B3GALT1: variants seen among roughly 807,000 people sequenced by gnomAD.
B3GALT1 encodes the protein beta-1,3-galactosyltransferase 1, also known as UDP-Gal:betaGlcNAc beta 1,3-galactosyltransferase, polypeptide 1.
B3GALT1 carries 10 observed loss-of-function variants against 23.2 expected under a neutral mutation model. That is an observed-to-expected ratio of 0.43 (90% CI 0.27 to 0.73). B3GALT1 has a LOEUF of 0.73. Among genes scored for constraint, B3GALT1 ranks in the 30% least tolerant of loss-of-function variants. B3GALT1 has a pLI of 0.21. For missense variants in B3GALT1, 299 were observed against 405.4 expected, an observed-to-expected ratio of 0.74 and a Z score of 2.25; for synonymous variants, 156 against 141.5, an observed-to-expected ratio of 1.10 and a Z score of -0.73.
intron 3 of B3GALT1, among the ~76,000 whole-genome samples, chr2:167,778,860 TGAGGG>T (rs1344173411): frequency 2.6e-5 from 4 of 152,212 alleles, no homozygotes; most frequent in African/African-American, 7.2e-5. Flanking sequence ...TCTGCTGGAC[TGAGGG>T]GAGGGGACCA....
intron 2 of B3GALT1, among the ~76,000 whole-genome samples, chr2:167,576,639 A>G (rs944726052): frequency 4.0e-5 from 6 of 150,610 alleles, no homozygotes; most frequent in Non-Finnish European, 7.4e-5. Context: ...CATACATAAG[A>G]TAGATAGTCA....
At chr2:167,440,529 T>G (rs182408456) in intron 1 of B3GALT1, among the ~76,000 whole-genome samples, 1 of 152,050 alleles carries the variant, frequency 6.6e-6, no homozygotes, top group Non-Finnish European at 1.5e-5. Flanking sequence ...GTAAAATTAT[T>G]TCATGTTTTA....
intron 1 of B3GALT1, among the ~76,000 whole-genome samples, chr2:167,341,641 A>G (rs1330400204): frequency 6.6e-6 from 1 of 151,978 alleles, no homozygotes; most frequent in Non-Finnish European, 1.5e-5. Flanking sequence ...CAGCCTGGGC[A>G]GGAGAGTGAC....
intron 3 of B3GALT1, among the ~76,000 whole-genome samples, chr2:167,795,284 T>C (rs1243397681): frequency 6.6e-6 from 1 of 152,200 alleles, no homozygotes; most frequent in East Asian, 1.9e-4. Context: ...AATTTCATAT[T>C]ATTTTCTCCA....
rs945854067 is a variant in B3GALT1, at chr2:167,326,646, T to C, written c.-511+33312T>C. Among the ~76,000 whole-genome samples, 27 of 152,048 alleles carry C rather than the reference T, an allele frequency of 1.8e-4. 1 individual carries two copies. Among genetic ancestry groups the C allele is most frequent in the African/African-American group, 6.5e-4 (27 of 41,438 alleles). On this transcript the variant is annotated intron_variant, in intron 1 of 4. Transcript: ENST00000392690. The stretch of plus-strand genomic sequence containing the variant: ...ATAGAGGTCCAGTTTCATTCTTCTG[T>C]ATATGGTTATCCAGTTTCCTAGTTT...
At chr2:167,299,192 T>G (rs769450092) in intron 1 of B3GALT1, among the ~76,000 whole-genome samples, 1 of 152,210 alleles carries the variant, frequency 6.6e-6, no homozygotes, top group Non-Finnish European at 1.5e-5. Context: ...GCTGAATCAA[T>G]TCCTCACTGA....
At chr2:167,348,665 T>G (rs2105253349) in intron 1 of B3GALT1, among the ~76,000 whole-genome samples, 1 of 152,050 alleles carries the variant, frequency 6.6e-6, no homozygotes, top group South Asian at 2.1e-4. Context: ...CATCACAGAT[T>G]TTTTTTTATT....
chr2:167,351,283 ACG>A (rs1274596259), intron 1 of B3GALT1, among the ~76,000 whole-genome samples: 45 of 150,922 alleles, frequency 3.0e-4, no homozygotes, highest in African/African-American at 1.1e-3. Context: ...AAAAAAAAAA[ACG>A]AAAACAAAAA....
At chr2:167,365,899 T>C (rs962619100) in intron 1 of B3GALT1, among the ~76,000 whole-genome samples, 5 of 152,124 alleles carry the variant, frequency 3.3e-5, no homozygotes, top group Admixed American at 6.6e-5. Flanking sequence ...TTGTCCTTAA[T>C]TTATGTGGAA....
chr2:167,300,734 C>T (rs1298597618), intron 1 of B3GALT1, among the ~76,000 whole-genome samples: 1 of 152,102 alleles, frequency 6.6e-6, no homozygotes, highest in East Asian at 1.9e-4. Flanking sequence ...TGTAAACTCC[C>T]TACCTCACAC....
chr2:167,391,325 A>C (rs1306883371), intron 1 of B3GALT1, among the ~76,000 whole-genome samples: 1 of 152,158 alleles, frequency 6.6e-6, no homozygotes, highest in African/African-American at 2.4e-5. Context: ...GAGCTCCCTG[A>C]GGCTTGTTTT....
chr2:167,806,028 T>C (rs548144807), intron 3 of B3GALT1, among the ~76,000 whole-genome samples: 3 of 152,102 alleles, frequency 2.0e-5, no homozygotes, highest in Non-Finnish European at 4.4e-5. Context: ...TAGTTCTCCT[T>C]GAAGAGGTCC....
At chr2:167,827,744 A>T (rs1332009212) in intron 4 of B3GALT1, among the ~76,000 whole-genome samples, 1 of 152,210 alleles carries the variant, frequency 6.6e-6, no homozygotes, top group Non-Finnish European at 1.5e-5. Context: ...AAACCAGAGC[A>T]TTACACAATT....
intron 3 of B3GALT1, among the ~76,000 whole-genome samples, chr2:167,678,350 T>C (rs1299619059): frequency 6.6e-6 from 1 of 152,226 alleles, no homozygotes; most frequent in Admixed American, 6.5e-5. Context: ...GTCCCCATTT[T>C]ACAGATAAGA....
At chr2:167,386,464 A>G (rs1470955028) in intron 1 of B3GALT1, among the ~76,000 whole-genome samples, 1 of 152,184 alleles carries the variant, frequency 6.6e-6, no homozygotes, top group Non-Finnish European at 1.5e-5. Context: ...ACCCAGGAAT[A>G]TGTTTTCAAA....
chr2:167,395,525 T>C (rs1379989644), intron 1 of B3GALT1, among the ~76,000 whole-genome samples: 2 of 152,112 alleles, frequency 1.3e-5, no homozygotes, highest in African/African-American at 4.8e-5. Context: ...CCAGAAAGAA[T>C]ACAGCCCTGC....
At chr2:167,631,769 C>CTTTCTTT (rs1558930674) in intron 2 of B3GALT1, among the ~76,000 whole-genome samples, 1 of 120,596 alleles carries the variant, frequency 8.3e-6, no homozygotes, top group African/African-American at 3.2e-5. Context: ...CTTTTCTTTT[C>CTTTCTTT]TTTTTTTTTT....
intron 1 of B3GALT1, among the ~76,000 whole-genome samples, chr2:167,380,163 G>A (rs1445113501): frequency 6.6e-6 from 1 of 152,036 alleles, no homozygotes; most frequent in Non-Finnish European, 1.5e-5. Flanking sequence ...GTAGTAGAGG[G>A]TGTCCCCCTG....
chr2:167,331,993 G>A (rs1696979890), intron 1 of B3GALT1, among the ~76,000 whole-genome samples: 1 of 152,208 alleles, frequency 6.6e-6, no homozygotes, highest in African/African-American at 2.4e-5. Context: ...AGGGCAGGAT[G>A]CAGTCTGGTG....
Sources: allele counts gnomAD v4.1 joint callset (sites outside exome capture counted in the v4.1 genomes callset), GRCh38; gene constraint gnomAD v4.1.1; transcripts MANE v1.5; gene names NCBI Gene and HGNC (gene_info 2026-07-23, HGNC 2026-07-21).